SELENOI: variants seen among roughly 807,000 people sequenced by gnomAD.
SELENOI encodes ethanolaminephosphotransferase 1.
SELENOI carries 24 observed loss-of-function variants against 50.7 expected under a neutral mutation model. The observed-to-expected ratio is 0.47, with a 90% confidence interval of 0.34 to 0.67. The LOEUF is 0.67. Ranked by LOEUF, SELENOI falls within the 30% of genes least tolerant of loss-of-function variation. The pLI is 0.01. For missense variants in SELENOI, 352 were observed against 461.4 expected, an observed-to-expected ratio of 0.76 and a Z score of 2.17; for synonymous variants, 155 against 170.2, an observed-to-expected ratio of 0.91 and a Z score of 0.70.
chr2:26,374,436 G>A (rs559700109), intron 5 of SELENOI, among the ~76,000 whole-genome samples: 1 of 152,192 alleles, frequency 6.6e-6, no homozygotes, highest in Non-Finnish European at 1.5e-5. Flanking sequence ...AAGTGGTTGG[G>A]TGGGTAAATT....
At chr2:26,351,168 C>T (rs1321464011) in intron 1 of SELENOI, among the ~76,000 whole-genome samples, 2 of 150,538 alleles carry the variant, frequency 1.3e-5, no homozygotes, top group South Asian at 2.1e-4. Context: ...AAGCAATTCT[C>T]GTGCCTCAGC....
intron 1 of SELENOI, 68 bp from the exon 2 acceptor site, chr2:26,364,234 A>T (rs561852681): frequency 8.6e-7 from 1 of 1,157,846 alleles, no homozygotes; most frequent in East Asian, 2.6e-5. Context: ...ATTTTCACCT[A>T]AGAAATGTTA....
chr2:26,356,877 A>C (rs755841451), intron 1 of SELENOI, among the ~76,000 whole-genome samples: 2 of 151,996 alleles, frequency 1.3e-5, no homozygotes, highest in East Asian at 3.9e-4. Context: ...CATTTCTGAT[A>C]CTTCTGTTGG....
At chr2:26,371,020 C>A (rs1352417764) in intron 4 of SELENOI, among the ~76,000 whole-genome samples, 1 of 136,130 alleles carries the variant, frequency 7.3e-6, no homozygotes, top group Non-Finnish European at 1.6e-5. Context: ...GCTGGCCAGG[C>A]AGAGGGGCTC....
chr2:26,368,145 A>G (rs1444578314), intron 4 of SELENOI, among the ~76,000 whole-genome samples: 2 of 152,254 alleles, frequency 1.3e-5, no homozygotes, highest in Non-Finnish European at 2.9e-5. Flanking sequence ...ATAACCTGCT[A>G]CATGATTAAA....
At chr2:26,370,105 C>T (rs1677382402) in intron 4 of SELENOI, among the ~76,000 whole-genome samples, 1 of 151,264 alleles carries the variant, frequency 6.6e-6, no homozygotes, top group South Asian at 2.1e-4. Flanking sequence ...CAAAGCACAT[C>T]TTGCACCGCC....
intron 1 of SELENOI, among the ~76,000 whole-genome samples, chr2:26,359,098 A>G (rs921220799): frequency 7.2e-5 from 11 of 152,200 alleles, no homozygotes; most frequent in Admixed American, 2.0e-4. Flanking sequence ...ATTTGCTTAC[A>G]TATTTTCTGT....
chr2:26,391,466 A>G lies in SELENOI; in HGVS notation c.*2363A>G, dbSNP rs901619073. 3.9e-5 allele frequency: 6 copies of G among 152,228 alleles called. No individual in the cohort carries two copies. Among genetic ancestry groups the G allele is most frequent in the South Asian group, 2.1e-4 (1 of 4,836 alleles). 9.4% of individuals were successfully genotyped at this position (152,228 alleles called of 1,614,324 possible). ...GTGCATTTATGTCATGCCAATTACT[A>G]TAACATTTCCAAAGTATGAAAGGTC... On this transcript the variant is annotated 3_prime_UTR_variant, in exon 10 of 10. Transcript: ENST00000260585.
At chr2:26,365,175 A>G (rs1677260777) in intron 3 of SELENOI, among the ~76,000 whole-genome samples, 1 of 152,222 alleles carries the variant, frequency 6.6e-6, no homozygotes, top group Middle Eastern at 3.2e-3. Context: ...TTTGCCTAAA[A>G]ATGAATACAA....
At chr2:26,386,628 T>A in intron 9 of SELENOI, 92 bp downstream of exon 9, 1 of 1,152,660 alleles carries the variant, frequency 8.7e-7, no homozygotes, top group Middle Eastern at 2.1e-4. Context: ...TGGAAAATTT[T>A]AAAAAGAAAG....
chr2:26,374,919 A>G, intron 5 of SELENOI, 121 bp from the exon 6 acceptor site: 1 of 654,938 alleles, frequency 1.5e-6, no homozygotes, highest in Non-Finnish European at 2.7e-6. Context: ...ACCAAATATA[A>G]GCATACTTCT....
rs562157620 is a variant in SELENOI, at chr2:26,368,702, T to C, written c.310+1482T>C. Among the ~76,000 whole-genome samples the C allele has an allele frequency of 1.7e-3, 266 of 152,264 alleles. 1 individual carries two copies. The highest frequency in any genetic ancestry group is 6.1e-3 in the Admixed American group (94 of 15,288). On this transcript the variant is annotated intron_variant, in intron 4 of 9. Coordinates refer to ENST00000260585, the MANE Select transcript of SELENOI (RefSeq NM_033505.4). ...AAAGCATATCTGGACCTCAGACTTG[T>C]GGAGATGGAATGGGTGTAGTGAGAA...
rs1285776528 is a variant in SELENOI, at chr2:26,346,144, C to G, written c.-89C>G. On this transcript the variant is annotated 5_prime_UTR_variant, in exon 1 of 10. Coordinates refer to ENST00000260585, the MANE Select transcript of SELENOI (RefSeq NM_033505.4). The stretch of plus-strand genomic sequence containing the variant: ...ACCTTCTCGGGCAGCCCAGTCTTTG[C>G]CATCCTTGCCCAGCCGGTGTGGTGC... 1.2e-6 allele frequency: 2 copies of G among 1,602,922 alleles called. No homozygotes were observed. The highest frequency in any genetic ancestry group is 1.7e-6 in the Non-Finnish European group (2 of 1,175,502).
chr2:26,373,626 G>C lies in SELENOI; in HGVS notation c.570G>C (p.Gln190His). 6.2e-7 allele frequency: 1 copy of C among 1,613,664 alleles called. No individual in the cohort carries two copies. The highest frequency in any genetic ancestry group is 8.5e-7 in the Non-Finnish European group (1 of 1,179,738). ...TGCCATGGGGATATGACATTAGCCA[G>C]GTGGTAAGTATGTGTTCTACCTTAA... ...LFLPWGYDIS[Q>H]VTISFVYIVT... is the part of the protein sequence containing the mutation. The change falls in exon 5 of 10, where the codon CAG becomes CAC. Residue 190 changes from glutamine (Q) to histidine (H), a missense_variant. Transcript: ENST00000260585.
intron 6 of SELENOI, among the ~76,000 whole-genome samples, chr2:26,381,731 C>T (rs751308761): frequency 1.1e-4 from 16 of 152,062 alleles, no homozygotes; most frequent in Non-Finnish European, 2.1e-4. Context: ...CCTCTAAGTT[C>T]GTCTAATTTG....
intron 1 of SELENOI, among the ~76,000 whole-genome samples, chr2:26,352,097 G>A (rs1404848061): frequency 1.3e-5 from 2 of 152,092 alleles, no homozygotes; most frequent in Non-Finnish European, 2.9e-5. Context: ...CTGAGATCAC[G>A]CCACTGCACT....
intron 2 of SELENOI, among the ~76,000 whole-genome samples, 171 bp downstream of exon 2, chr2:26,364,541 G>C (rs879011181): frequency 6.6e-6 from 1 of 152,082 alleles, no homozygotes; most frequent in Admixed American, 6.6e-5. Context: ...TCTTACTGTT[G>C]AAGTTTATAC....
intron 5 of SELENOI, among the ~76,000 whole-genome samples, 154 bp downstream of exon 5, chr2:26,373,783 G>T (rs1354493999): frequency 6.6e-6 from 1 of 152,100 alleles, no homozygotes; most frequent in African/African-American, 2.4e-5. Context: ...TTCAAAAATA[G>T]AATAGTATAG....
intron 1 of SELENOI, among the ~76,000 whole-genome samples, chr2:26,349,308 C>CTTTTT (rs11434987): frequency 8.7e-6 from 1 of 115,344 alleles, no homozygotes; most frequent in Non-Finnish European, 1.8e-5. Context: ...CCACACTTGT[C>CTTTTT]TTTTTTTTTT....
Sources: gnomAD v4.1 joint callset for allele counts (sites outside exome capture counted in the v4.1 genomes callset) on GRCh38, gnomAD v4.1.1 for gene constraint, MANE v1.5 for transcripts, NCBI Gene and HGNC (gene_info 2026-07-23, HGNC 2026-07-21) for gene names.